The following OR1I1 variants were observed in gnomAD, a reference collection of about 807,000 sequenced individuals.
OR1I1 encodes the protein olfactory receptor family 1 subfamily I member 1, also known as olfactory receptor 1I1.
For synonymous variants in OR1I1, 171 were observed against 181.4 expected (o/e 0.94, Z 0.46); for missense variants, 451 against 443.6 (o/e 1.02, Z -0.15).
chr19:15,087,988 T>A lies in OR1I1; in HGVS notation c.923T>A (p.Val308Glu). Residue 308 changes from valine (V) to glutamate (E), a missense_variant, in exon 2 of 2, where the codon GTG becomes GAG. Transcript: ENST00000641398. ...KAALGKLIGK[V>E]AVPCPRPEQL... The stretch of plus-strand genomic sequence containing the variant: ...GCCCTGGGGAAGCTCATCGGCAAAG[T>A]GGCCGTCCCCTGTCCTAGGCCAGAA... 1.2e-6 allele frequency: 2 copies of A among 1,614,170 alleles called. No homozygotes were observed. The highest frequency in any genetic ancestry group is 1.7e-6 in the Non-Finnish European group (2 of 1,180,026).
rs2046225290 is a variant in OR1I1 at position 15,085,173 on chromosome 19, T to TG, written c.-13-1880_-13-1879insG. ...ATATATATATATATATATATATATA[T>TG]ATATTTTTTTTTTTGAGACAGAGTT... On this transcript the variant is annotated intron_variant, in intron 1 of 1. Transcript: ENST00000641398. Among the ~76,000 whole-genome samples, 4 of 41,670 alleles carry TG rather than the reference T, an allele frequency of 9.6e-5. 1 individual carries two copies. The highest frequency in any genetic ancestry group is 2.1e-4 in the Non-Finnish European group (4 of 19,254). The allele number at this position is 41,670 out of a possible 152,430, so 27.3% of individuals were successfully genotyped here. A position where few individuals can be genotyped will look rare whatever the true frequency, so the allele number is the denominator to read the frequency against.
rs143021085 is a variant in OR1I1 at position 15,083,762 on chromosome 19, C to T, written c.-14+1486C>T. Reference sequence around the variant, plus strand: ...TGGGAGGCCAAGGTGGGCGGATCACCGGGTCAGGAGTTCAAGACCAGCCTG... The same window carrying T: ...TGGGAGGCCAAGGTGGGCGGATCACTGGGTCAGGAGTTCAAGACCAGCCTG... On this transcript the variant is annotated intron_variant, in intron 1 of 1. Coordinates refer to ENST00000641398, the MANE Select transcript of OR1I1 (RefSeq NM_001004713.2). 7.1e-3 allele frequency among the ~76,000 whole-genome samples: 1,082 copies of T among 152,118 alleles called. 7 individuals carry two copies. Among genetic ancestry groups the T allele is most frequent in the African/African-American group, 0.025 (1,040 of 41,522 alleles).
At position 15,087,679 on chromosome 19, in the gene OR1I1, T is replaced by C. The variant is rs775629906; in HGVS notation, c.614T>C (p.Val205Ala). The change falls in exon 2 of 2, where the codon GTC (valine) becomes GCC (alanine). Residue 205 changes from valine (V) to alanine (A), a missense_variant. By Grantham distance (64) the Val-to-Ala change is moderately conservative. Transcript: ENST00000641398. The stretch of plus-strand genomic sequence containing the variant: ...CTGGTGATCTTTGCTTTTGGCATTG[T>C]CGTGGGCACCAGCCCATTCTCCTGC... ...NELVIFAFGIVVGTSPFSCIL... is the reference protein window; with the variant it reads ...NELVIFAFGIAVGTSPFSCIL... 5.0e-6 allele frequency: 8 copies of C among 1,614,102 alleles called. No homozygotes were observed. In the Admixed American group the frequency reaches 5.0e-5, roughly 10 times the overall value.
chr19:15,082,394 G>A (rs2046212969), intron 1 of OR1I1, 118 bp downstream of exon 1: 1 of 152,228 alleles, frequency 6.6e-6, no homozygotes, highest in Non-Finnish European at 1.5e-5. Context: ...CTGGTGAGCA[G>A]GTGAGGGATG....
chr19:15,088,693 TAGATAGATAGATAGATAGACAGAC>T lies in OR1I1; in HGVS notation c.*572_*595del, dbSNP rs1041668309. Reference sequence around the variant, plus strand: ...ATAGATAGATAGATAGATAGATAGATAGATAGATAGATAGATAGACAGACAGATAGATAGAGAGGATAAGATAAG... The same window carrying T: ...ATAGATAGATAGATAGATAGATAGATAGATAGATAGAGAGGATAAGATAAG... On this transcript the variant is annotated 3_prime_UTR_variant, in exon 2 of 2. Transcript: ENST00000641398. 7 of 72,946 alleles carry T rather than the reference TAGATAGATAGATAGATAGACAGAC, an allele frequency of 9.6e-5. No homozygotes were observed. The highest frequency in any genetic ancestry group is 2.3e-4 in the African/African-American group (7 of 29,788). 4.5% of individuals were successfully genotyped at this position (72,946 alleles called of 1,614,324 possible).
chr19:15,086,939 T>C (rs1254445493), intron 1 of OR1I1, 114 bp from the exon 2 acceptor site: 10 of 1,428,228 alleles, frequency 7.0e-6, no homozygotes, highest in Admixed American at 2.9e-5. Context: ...AGGAATTTGA[T>C]GGATTTGATG....
chr19:15,084,874 C>T (rs536609161), intron 1 of OR1I1, among the ~76,000 whole-genome samples: 74 of 151,888 alleles, frequency 4.9e-4, no homozygotes, highest in African/African-American at 1.7e-3. Flanking sequence ...GTCCCAGCTA[C>T]TAGGAAGGCT....
Position 15,088,142 on chromosome 19 carries a change from A to T in OR1I1, c.*9A>T. 1.3e-6 allele frequency: 2 copies of T among 1,539,134 alleles called. No homozygotes were observed. Among genetic ancestry groups the T allele is most frequent in the Non-Finnish European group, 1.8e-6 (2 of 1,139,226 alleles). On this transcript the variant is annotated 3_prime_UTR_variant, in exon 2 of 2. Coordinates refer to ENST00000641398, the MANE Select transcript of OR1I1 (RefSeq NM_001004713.2). ...ACAGAGACATGGAATAAATCCTTCC[A>T]GTACAACGTGATAAATGTGTCATAA...
At chr19:15,084,764 C>A (rs977482881) in intron 1 of OR1I1, among the ~76,000 whole-genome samples, 3 of 151,696 alleles carry the variant, frequency 2.0e-5, no homozygotes, top group African/African-American at 7.3e-5. Flanking sequence ...TCATGCTGAG[C>A]AGCCAATAGC....
rs1478818143 is a variant in OR1I1 at position 15,092,480 on chromosome 19, A to G, written c.*4347A>G. ...CAGCAAACTTTTTCTGTCAAGGTCCAGGTCGTCAATATTGTCAGCTTTAGG... is the reference window on the plus strand; with the variant it reads ...CAGCAAACTTTTTCTGTCAAGGTCCGGGTCGTCAATATTGTCAGCTTTAGG... On this transcript the variant is annotated 3_prime_UTR_variant, in exon 2 of 2. Transcript: ENST00000641398. 1 of 152,178 alleles carries G rather than the reference A, an allele frequency of 6.6e-6. No individual in the cohort carries two copies. Among genetic ancestry groups the G allele is most frequent in the Non-Finnish European group, 1.5e-5 (1 of 68,044 alleles). 9.4% of individuals were successfully genotyped at this position (152,178 alleles called of 1,614,324 possible). A position where few individuals can be genotyped will look rare whatever the true frequency, so the allele number is the denominator to read the frequency against.
chr19:15,087,570 T>C lies in OR1I1; in HGVS notation c.505T>C (p.Cys169Arg), dbSNP rs778182980. ...HTCLMAQLTF[C>R]AGSEISHFFC... ...CTGCCTCATGGCTCAACTGACCTTC[T>C]GCGCCGGCTCTGAAATCTCCCACTT... The change falls in exon 2 of 2, where the codon TGC becomes CGC. Residue 169 changes from cysteine to arginine, a missense_variant. By Grantham distance (180) the Cys-to-Arg change is radical. Coordinates refer to ENST00000641398, the MANE Select transcript of OR1I1 (RefSeq NM_001004713.2). 3.7e-6 allele frequency: 6 copies of C among 1,613,948 alleles called. No homozygotes were observed. Among genetic ancestry groups the C allele is most frequent in the African/African-American group, 1.3e-5 (1 of 74,946 alleles).
At chr19:15,082,325 T>A (rs973002191) in intron 1 of OR1I1, 49 bp downstream of exon 1, 5 of 152,088 alleles carry the variant, frequency 3.3e-5, no homozygotes, top group Non-Finnish European at 7.3e-5. Flanking sequence ...GACCTCGGGA[T>A]CCTCTAGCAG....
chr19:15,087,344 C>T lies in OR1I1; in HGVS notation c.279C>T (p.Pro93=), dbSNP rs764048791. 2 of 1,614,094 alleles carry T rather than the reference C, an allele frequency of 1.2e-6. No individual in the cohort carries two copies. The highest frequency in any genetic ancestry group is 1.1e-5 in the South Asian group (1 of 91,088). Reference sequence around the variant, plus strand: ...TCCAGGCTCAGAGCAGAGCCATCCCCTTTGTGGGCTGCCTCACCCAGATGT... The same window carrying T: ...TCCAGGCTCAGAGCAGAGCCATCCCTTTTGTGGGCTGCCTCACCCAGATGT... ...ANIQAQSRAI[P]FVGCLTQMYA... is the part of the protein sequence containing the mutation. The change falls in exon 2 of 2, where the codon CCC becomes CCT. Residue 93 remains proline (P), a synonymous_variant. Transcript: ENST00000641398.
At chr19:15,086,833 T>C (rs1050522226) in intron 1 of OR1I1, 1 of 621,690 alleles carries the variant, frequency 1.6e-6, no homozygotes, top group Non-Finnish European at 2.6e-6. Flanking sequence ...GCGACTCCGT[T>C]AGATCCTTGA....
Position 15,092,546 on chromosome 19 carries a change from G to C in OR1I1, c.*4413G>C, listed in dbSNP as rs1256859512. 1 of 152,198 alleles carries C rather than the reference G, an allele frequency of 6.6e-6. No homozygotes were observed. The highest frequency in any genetic ancestry group is 1.5e-5 in the Non-Finnish European group (1 of 68,048). The allele number at this position is 152,198 out of a possible 1,614,324, so 9.4% of individuals were successfully genotyped here. On this transcript the variant is annotated 3_prime_UTR_variant, in exon 2 of 2. Transcript: ENST00000641398. Reference sequence around the variant, plus strand: ...GTTGCAATGACTGAACTCTGCTGCTGTCTGGCGAAAGCAGCCATAGATGAG... The same window carrying C: ...GTTGCAATGACTGAACTCTGCTGCTCTCTGGCGAAAGCAGCCATAGATGAG...
rs2046259633 is a variant in OR1I1, at chr19:15,092,112, G to GTTTTTTTT, written c.*3984_*3985insTTTTTTTT. The GTTTTTTTT allele has an allele frequency of 4.4e-5, 1 of 22,750 alleles. No homozygotes were observed. Among genetic ancestry groups the GTTTTTTTT allele is most frequent in the African/African-American group, 1.4e-4 (1 of 7,060 alleles). The allele number at this position is 22,750 out of a possible 1,614,324, so 1.4% of individuals were successfully genotyped here. On this transcript the variant is annotated 3_prime_UTR_variant, in exon 2 of 2. Coordinates refer to ENST00000641398, the MANE Select transcript of OR1I1 (RefSeq NM_001004713.2). ...CTTTTTTTTTTTTTTTTTTTTTTTG[G>GTTTTTTTT]TTTTTGGTTGTTTTTTTTTTTTCCC...
chr19:15,088,347 C>A lies in OR1I1; in HGVS notation c.*214C>A. On this transcript the variant is annotated 3_prime_UTR_variant, in exon 2 of 2. Transcript: ENST00000641398. ...TAGTTGAAAACAAGAGACGTAGCTA[C>A]ACTCATTTTAGTATTGACAAAGGCC... 3.6e-6 allele frequency: 2 copies of A among 549,044 alleles called. No homozygotes were observed. Among genetic ancestry groups the A allele is most frequent in the East Asian group, 3.3e-5 (1 of 30,312 alleles). The allele number at this position is 549,044 out of a possible 1,614,324, so 34.0% of individuals were successfully genotyped here. A position where few individuals can be genotyped will look rare whatever the true frequency, so the allele number is the denominator to read the frequency against.
In OR1I1 at chr19:15,087,221, C is replaced by T. The variant is rs375578450; in HGVS notation, c.156C>T (p.Asp52=). The change falls in exon 2 of 2, where the codon GAC becomes GAT. Residue 52 remains aspartate (D), a synonymous_variant. Coordinates refer to ENST00000641398, the MANE Select transcript of OR1I1 (RefSeq NM_001004713.2). ...NALIILAIIT[D]SHLHTPMYFF... ...TCATTATCCTGGCCATCATCACGGACTCTCACCTCCACACACCCATGTACT... is the reference window on the plus strand; with the variant it reads ...TCATTATCCTGGCCATCATCACGGATTCTCACCTCCACACACCCATGTACT... 2 of 1,613,226 alleles carry T rather than the reference C, an allele frequency of 1.2e-6. No homozygotes were observed. Among genetic ancestry groups the T allele is most frequent in the South Asian group, 2.2e-5 (2 of 91,058 alleles).
At chr19:15,084,437 C>A (rs1043149901) in intron 1 of OR1I1, among the ~76,000 whole-genome samples, 2 of 151,994 alleles carry the variant, frequency 1.3e-5, no homozygotes, top group Non-Finnish European at 2.9e-5. Context: ...GCTCGCCTGT[C>A]ATCCCAGCTA....
Sources: gnomAD v4.1 joint callset for allele counts (sites outside exome capture counted in the v4.1 genomes callset) on GRCh38, gnomAD v4.1.1 for gene constraint, MANE v1.5 for transcripts, NCBI Gene and HGNC (gene_info 2026-07-23, HGNC 2026-07-21) for gene names.